The following UBA1 variants were observed in gnomAD, a reference collection of about 807,000 sequenced individuals.
UBA1 encodes the protein ubiquitin like modifier activating enzyme 1.
In UBA1, 4 loss-of-function variants were observed where a neutral mutation model predicts 84.7. The ratio of observed to expected loss-of-function variants is 0.05; its 90% CI spans 0.02 to 0.11. The LOEUF is 0.11. Ranked by LOEUF, UBA1 falls within the 10% of genes least tolerant of loss-of-function variation. The probability of loss-of-function intolerance (pLI) is 1.00; values close to 1 mark genes in which losing one functional copy is unlikely to be tolerated. For missense variants in UBA1, 513 were observed against 902.8 expected (o/e 0.57, Z 5.53); for synonymous variants, 364 against 362.6 (o/e 1.00, Z -0.04).
At chrX:47,198,764 A>T (rs782740442) in intron 1 of UBA1, 39 bp from the exon 2 acceptor site, 1 of 1,172,042 alleles carries the variant, frequency 8.5e-7, no homozygotes, top group Non-Finnish European at 1.2e-6. Flanking sequence ...AACGGTACCC[A>T]TGTGCTCCAG....
chrX:47,202,658 A>C lies in UBA1; in HGVS notation c.1077A>C (p.Val359=), dbSNP rs782342123. 62 of 1,211,199 alleles carry C rather than the reference A, an allele frequency of 5.1e-5. No individual in the cohort carries two copies. In the Middle Eastern group the frequency reaches 1.1e-3, roughly 22 times the overall value. The stretch of plus-strand genomic sequence containing the variant: ...ACCAGGAGGATGCAGCAGAACTGGT[A>C]GCCTTAGCACAGGCTGTGAATGCTC... The part of the protein sequence containing the change: ...PRNEEDAAEL[V]ALAQAVNARA... Residue 359 remains valine (V), a synonymous_variant, in exon 11 of 26, where the codon GTA becomes GTC. Transcript: ENST00000335972.
intron 15 of UBA1, 24 bp from the exon 16 acceptor site, chrX:47,206,224 G>T: frequency 8.4e-7 from 1 of 1,192,482 alleles, no homozygotes; most frequent in Non-Finnish European, 1.1e-6. Flanking sequence ...TTCTTTCCTA[G>T]CTCTCGCTTT....
At chrX:47,197,633 T>C (rs1569206645) in intron 1 of UBA1, 13 of 753,985 alleles carry the variant, frequency 1.7e-5, no homozygotes, top group Non-Finnish European at 1.9e-5. Context: ...GCTTTATTGT[T>C]CTGTCTCTGG....
At chrX:47,205,451 A>G (rs782702037) in intron 14 of UBA1, 3 of 343,873 alleles carry the variant, frequency 8.7e-6, no homozygotes, top group South Asian at 7.8e-5. Context: ...CCCCTGCCAC[A>G]TGCATCATCA....
At chrX:47,208,270 TAC>T (rs1331583788) in intron 16 of UBA1, among the ~76,000 whole-genome samples, 2 of 44,537 alleles carry the variant, frequency 4.5e-5, no homozygotes, top group African/African-American at 2.2e-4. Flanking sequence ...GAAGTGTCTG[TAC>T]GTGTGTGTGT....
chrX:47,205,819 A>G, intron 14 of UBA1, 129 bp from the exon 15 acceptor site: 1 of 806,281 alleles, frequency 1.2e-6, no homozygotes, highest in Non-Finnish European at 1.8e-6. Flanking sequence ...ATGCCACTGC[A>G]TTCCAGCCTG....
Position 47,197,471 on chromosome X carries a change from T to G in UBA1, c.1-1332T>G, listed in dbSNP as rs368379317. 1.2e-4 allele frequency: 91 copies of G among 753,205 alleles called. No homozygotes were observed. The African/African-American group carries it at 1.9e-3, about 15-fold the overall frequency. 62.1% of individuals were successfully genotyped at this position (753,205 alleles called of 1,213,427 possible). On this transcript the variant is annotated intron_variant, in intron 1 of 25. Coordinates refer to ENST00000335972, the MANE Select transcript of UBA1 (RefSeq NM_003334.4). ...ATCTTAGGTACATTGGGATACTTAG[T>G]GTCATAAAAGTCTCAGTGTGGGAGG...
Position 47,198,813 on chromosome X carries a change from C to T in UBA1, c.11C>T (p.Ser4Leu), listed in dbSNP as rs1556786377. 3 of 1,211,573 alleles carry T rather than the reference C, an allele frequency of 2.5e-6. No homozygotes were observed. The highest frequency in any genetic ancestry group is 3.4e-6 in the Non-Finnish European group (3 of 895,327). MSS[S>L]PLSKKRRVSG... Reference sequence around the variant, plus strand: ...CTTTTTTTCCTCCAGATGTCCAGCTCGCCGCTGTCCAAGAAACGTCGCGTG... The same window carrying T: ...CTTTTTTTCCTCCAGATGTCCAGCTTGCCGCTGTCCAAGAAACGTCGCGTG... Residue 4 changes from serine to leucine, a missense_variant, in exon 2 of 26, where the codon TCG (serine) becomes TTG (leucine). Coordinates refer to ENST00000335972, the MANE Select transcript of UBA1 (RefSeq NM_003334.4).
intron 16 of UBA1, among the ~76,000 whole-genome samples, chrX:47,207,006 A>G (rs1556791371): frequency 9.0e-6 from 1 of 110,655 alleles, no homozygotes; most frequent in East Asian, 2.8e-4. Context: ...TCCCTCCATC[A>G]TGACATCTCA....
At position 47,202,475 on chromosome X, in the gene UBA1, C is replaced by T. The variant is rs1936453274; in HGVS notation, c.1027C>T (p.His343Tyr). The change falls in exon 10 of 26, where the codon CAT becomes TAT. Residue 343 changes from histidine to tyrosine, a missense_variant. His to Tyr is a moderately conservative substitution (Grantham distance 83, BLOSUM62 2). Transcript: ENST00000335972. Reference protein sequence around the residue: ...FQALHQFCAQHGRPPRPRNEE... With the variant: ...FQALHQFCAQYGRPPRPRNEE... ...GGCCCTGCACCAGTTCTGTGCTCAGCATGGCCGGCCACCTCGGCCCCGCAA... is the reference window on the plus strand; with the variant it reads ...GGCCCTGCACCAGTTCTGTGCTCAGTATGGCCGGCCACCTCGGCCCCGCAA... 1 of 1,203,671 alleles carries T rather than the reference C, an allele frequency of 8.3e-7. No homozygotes were observed. Among genetic ancestry groups the T allele is most frequent in the Non-Finnish European group, 1.1e-6 (1 of 891,208 alleles).
intron 1 of UBA1, among the ~76,000 whole-genome samples, chrX:47,194,853 C>T (rs781919807): frequency 5.0e-4 from 56 of 112,364 alleles, no homozygotes; most frequent in South Asian, 1.1e-3. Flanking sequence ...TACTGAGAGG[C>T]CTCAGCATCT....
chrX:47,213,077 G>A lies in UBA1; in HGVS notation c.2734G>A (p.Val912Ile). ...VGLVCLELYK[V>I]VQGHRQLDSY... ...CCTTGTGTGTCTGGAGCTGTACAAG[G>A]TTGTGCAGGGGCACCGACAGCTTGA... The change falls in exon 23 of 26, where the codon GTT (valine) becomes ATT (isoleucine). Residue 912 changes from valine (V) to isoleucine (I), a missense_variant. Val to Ile is a conservative substitution (Grantham distance 29). Transcript: ENST00000335972. The A allele has an allele frequency of 8.3e-7, 1 of 1,212,113 alleles. No homozygotes were observed. Among genetic ancestry groups the A allele is most frequent in the South Asian group, 1.8e-5 (1 of 57,019 alleles).
chrX:47,206,765 T>G (rs1055512127), intron 16 of UBA1: 3 of 321,540 alleles, frequency 9.3e-6, no homozygotes, highest in African/African-American at 7.9e-5. Flanking sequence ...TTTATGTAGA[T>G]TTTTCTTCTT....
upstream of UBA1, among the ~76,000 whole-genome samples, chrX:47,192,259 C>T (rs1556784409): frequency 9.0e-6 from 1 of 110,777 alleles, no homozygotes; most frequent in Non-Finnish European, 1.9e-5. Flanking sequence ...TCTCCCCTCC[C>T]CATTCCCCTG....
In UBA1 at chrX:47,214,311, CCT is replaced by C. The variant is rs782494588; in HGVS notation, c.2839-13_2839-12del. 13 of 1,199,401 alleles carry C rather than the reference CCT, an allele frequency of 1.1e-5. No homozygotes were observed. In the African/African-American group the frequency reaches 2.1e-4, roughly 20 times the overall value. ...TGGGATGGTCTCCATCTTACACTCCCCTCTTTGTCTTGCAGTACTATAACCAA... is the reference window on the plus strand; with the variant it reads ...TGGGATGGTCTCCATCTTACACTCCCCTTTGTCTTGCAGTACTATAACCAA... On this transcript the variant is annotated splice_polypyrimidine_tract_variant and intron_variant, in intron 23 of 25. Transcript: ENST00000335972.
chrX:47,211,816 A>T (rs1260749194), intron 20 of UBA1, among the ~76,000 whole-genome samples: 2 of 105,630 alleles, frequency 1.9e-5, no homozygotes, highest in Admixed American at 1.0e-4. Context: ...TTCCCCTTCC[A>T]TGGTCCCCAT....
At chrX:47,204,107 C>A (rs1268744621) in intron 14 of UBA1, among the ~76,000 whole-genome samples, 1 of 100,982 alleles carries the variant, frequency 9.9e-6, no homozygotes, top group Non-Finnish European at 2.0e-5. Context: ...GCCAGAAGCC[C>A]TTCTTTTTGG....
rs1556788082 is a variant in UBA1 at position 47,201,627 on chromosome X, G to A, written c.811+17G>A. On this transcript the variant is annotated intron_variant, in intron 8 of 25. Coordinates refer to ENST00000335972, the MANE Select transcript of UBA1 (RefSeq NM_003334.4). ...AAGTCCTGGGTGAGCTGCGACCATGGGGGAAGCAGAGGGGAACTAGAAGAT... is the reference window on the plus strand; with the variant it reads ...AAGTCCTGGGTGAGCTGCGACCATGAGGGAAGCAGAGGGGAACTAGAAGAT... 1.7e-6 allele frequency: 2 copies of A among 1,210,462 alleles called. No homozygotes were observed. The highest frequency in any genetic ancestry group is 1.8e-5 in the South Asian group (1 of 56,862).
Position 47,202,765 on chromosome X carries a change from C to T in UBA1, c.1184C>T (p.Ala395Val). ...GCATATGTGGCTGCTGGGGATCTGG[C>T]ACCCATAAACGCCTTCATTGGGGGC... ...KLAYVAAGDL[A>V]PINAFIGGLA... The change falls in exon 11 of 26, where the codon GCA becomes GTA. Residue 395 changes from alanine to valine, a missense_variant. Physicochemically the swap from Ala to Val is moderately conservative, Grantham distance 64 (BLOSUM62 0). Coordinates refer to ENST00000335972, the MANE Select transcript of UBA1 (RefSeq NM_003334.4). The T allele has an allele frequency of 1.7e-6, 2 of 1,209,396 alleles. No homozygotes were observed. The highest frequency in any genetic ancestry group is 5.9e-5 in the East Asian group (2 of 33,746).
Sources: allele counts gnomAD v4.1 joint callset (sites outside exome capture counted in the v4.1 genomes callset), GRCh38; gene constraint gnomAD v4.1.1; transcripts MANE v1.5; gene names NCBI Gene and HGNC (gene_info 2026-07-23, HGNC 2026-07-21).